Variants in STAB1 observed in about 807,000 individuals in gnomAD.
STAB1 encodes the protein stabilin 1.
In STAB1, 250 loss-of-function variants were observed where a neutral mutation model predicts 332.4. The observed-to-expected ratio is 0.75, with a 90% confidence interval of 0.68 to 0.84. The LOEUF is 0.84. Among genes scored for constraint, STAB1 ranks in the 40% least tolerant of loss-of-function variants. The pLI, the probability that STAB1 is intolerant of heterozygous loss-of-function variation, is 0.00. For missense variants in STAB1, 3,249 were observed against 3,489.7 expected, an observed-to-expected ratio of 0.93 and a Z score of 1.74; for synonymous variants, 1,475 against 1,390.4, an observed-to-expected ratio of 1.06 and a Z score of -1.35.
intron 29 of STAB1, 80 bp from the exon 30 acceptor site, chr3:52,513,046 CCCCT>C: frequency 6.4e-7 from 1 of 1,559,822 alleles, no homozygotes; most frequent in Non-Finnish European, 8.7e-7. Flanking sequence ...CAGGCACTCA[CCCCT>C]TGGGGTGGGC....
chr3:52,518,754 A>G lies in STAB1; in HGVS notation c.4919A>G (p.Gln1640Arg), dbSNP rs773026752. ...CTGGCCCGGATTCGTGCGCATCGCC[A>G]GCTGGTGTTTCGCTACCACGTGGTT... ...DELARIRAHR[Q>R]LVFRYHVVGC... The change falls in exon 48 of 69, where the codon CAG becomes CGG. Residue 1640 changes from glutamine to arginine, a missense_variant. Coordinates refer to ENST00000321725, the MANE Select transcript of STAB1 (RefSeq NM_015136.3). 1.1e-5 allele frequency: 17 copies of G among 1,612,422 alleles called. No individual in the cohort carries two copies. Among genetic ancestry groups the G allele is most frequent in the Non-Finnish European group, 1.3e-5 (15 of 1,179,822 alleles).
At chr3:52,499,159 G>A (rs1708253075) in intron 1 of STAB1, among the ~76,000 whole-genome samples, 2 of 152,210 alleles carry the variant, frequency 1.3e-5, no homozygotes, top group Admixed American at 1.3e-4. Flanking sequence ...CCACTTCTCT[G>A]GGCCATGCCC....
chr3:52,519,153 G>A (rs1238898423), intron 48 of STAB1, 111 bp from the exon 49 acceptor site: 2 of 1,428,100 alleles, frequency 1.4e-6, no homozygotes, highest in African/African-American at 2.8e-5. Flanking sequence ...CGAAGAACCG[G>A]GACTGCCTGC....
intron 37 of STAB1, 49 bp downstream of exon 37, chr3:52,515,555 G>A (rs898941069): frequency 6.3e-6 from 10 of 1,598,928 alleles, no homozygotes; most frequent in East Asian, 4.5e-5. Context: ...GAAGGAGGTG[G>A]GAGTGGGTGG....
At chr3:52,506,328 C>A in intron 17 of STAB1, 78 bp downstream of exon 17, 1 of 1,333,302 alleles carries the variant, frequency 7.5e-7, no homozygotes, top group Non-Finnish European at 1.1e-6. Flanking sequence ...GCCTTGTGTG[C>A]TCCGAGCCCC....
intron 30 of STAB1, 47 bp from the exon 31 acceptor site, chr3:52,513,670 G>C: frequency 6.3e-7 from 1 of 1,582,116 alleles, no homozygotes; most frequent in Non-Finnish European, 8.6e-7. Flanking sequence ...CACCTTTAAG[G>C]GTCTATCTGT....
At position 52,524,476 on chromosome 3, in the gene STAB1, G is replaced by A; in HGVS notation, c.*120G>A. On this transcript the variant is annotated 3_prime_UTR_variant, in exon 69 of 69. Transcript: ENST00000321725. ...CCAGACAATAAAGGTGCCCTCAGCG[G>A]ATGTGGGCCATGTCACCAAGGAAGG... 3 of 1,612,824 alleles carry A rather than the reference G, an allele frequency of 1.9e-6. No homozygotes were observed. Among genetic ancestry groups the A allele is most frequent in the South Asian group, 1.1e-5 (1 of 91,082 alleles).
chr3:52,520,078 G>A lies in STAB1; in HGVS notation c.5370G>A (p.Lys1790=), dbSNP rs775098685. 1.9e-6 allele frequency: 3 copies of A among 1,612,052 alleles called. No individual in the cohort carries two copies. The highest frequency in any genetic ancestry group is 2.5e-6 in the Non-Finnish European group (3 of 1,179,298). ...TGTACCATGAGGACCACCGTGACAA[G>A]CTAGCAGCCATTCTGCGGGGCCACA... The part of the protein sequence containing the change: ...AWLYHEDHRD[K]LAAILRGHMI... The change falls in exon 51 of 69, where the codon AAG becomes AAA. Residue 1790 remains lysine, a synonymous_variant. Transcript: ENST00000321725.
chr3:52,512,484 G>T lies in STAB1; in HGVS notation c.2979+48G>T, dbSNP rs755281207. 12 of 1,609,382 alleles carry T rather than the reference G, an allele frequency of 7.5e-6. No individual in the cohort carries two copies. In the Admixed American group the frequency reaches 1.8e-4, roughly 25 times the overall value. On this transcript the variant is annotated intron_variant, in intron 27 of 68. Coordinates refer to ENST00000321725, the MANE Select transcript of STAB1 (RefSeq NM_015136.3). ...TTCTGTCTTCCCCGTGCTTGGGAAGGAGCCCTCTCCAGCACCTCAGGTGGG... is the reference window on the plus strand; with the variant it reads ...TTCTGTCTTCCCCGTGCTTGGGAAGTAGCCCTCTCCAGCACCTCAGGTGGG...
chr3:52,519,180 C>G, intron 48 of STAB1, 84 bp from the exon 49 acceptor site: 1 of 1,537,430 alleles, frequency 6.5e-7, no homozygotes. Flanking sequence ...ACTTGCCCAA[C>G]CCAGGTTCAA....
Position 52,516,591 on chromosome 3 carries a change from A to G in STAB1, c.4286+4A>G. On this transcript the variant is annotated splice_donor_region_variant and intron_variant, in intron 40 of 68. Transcript: ENST00000321725. ...GGAAGTGCGACCCCAATGCCAAGTG[A>G]GTGGGCCCAGCCTGGGGCGGGTGGG... 2 of 1,612,750 alleles carry G rather than the reference A, an allele frequency of 1.2e-6. No homozygotes were observed. Among genetic ancestry groups the G allele is most frequent in the Non-Finnish European group, 1.7e-6 (2 of 1,179,948 alleles).
chr3:52,524,298 AG>A lies in STAB1; in HGVS notation c.7657del. The stretch of plus-strand genomic sequence containing the variant: ...CCTCCACCACCAACCCTGCTCTTCT[AG>A]GACTCACTGCTGGAGGAGGACTTCC... On this transcript the variant is annotated splice_acceptor_variant, in intron 68 of 68. Coordinates refer to ENST00000321725, the MANE Select transcript of STAB1 (RefSeq NM_015136.3). LOFTEE classifies it high-confidence loss of function. The A allele has an allele frequency of 6.2e-7, 1 of 1,613,934 alleles. No homozygotes were observed. Among genetic ancestry groups the A allele is most frequent in the Non-Finnish European group, 8.5e-7 (1 of 1,180,002 alleles).
chr3:52,516,603 C>T lies in STAB1; in HGVS notation c.4286+16C>T. ...CCAATGCCAAGTGAGTGGGCCCAGC[C>T]TGGGGCGGGTGGGTGAGTGGCGGGG... is the stretch of plus-strand genomic sequence containing the variant. On this transcript the variant is annotated intron_variant, in intron 40 of 68. Transcript: ENST00000321725. 22 of 1,612,776 alleles carry T rather than the reference C, an allele frequency of 1.4e-5. No individual in the cohort carries two copies. The highest frequency in any genetic ancestry group is 1.9e-5 in the Non-Finnish European group (22 of 1,179,982).
chr3:52,519,589 A>G, intron 50 of STAB1, 25 bp downstream of exon 50: 2 of 1,607,942 alleles, frequency 1.2e-6, no homozygotes, highest in South Asian at 2.2e-5. Context: ...TGGGCCTGTC[A>G]TTGTGGACAC....
intron 7 of STAB1, 58 bp from the exon 8 acceptor site, chr3:52,503,286 G>A: frequency 6.4e-7 from 1 of 1,552,130 alleles, no homozygotes; most frequent in South Asian, 1.2e-5. Context: ...TGAAAGCTGT[G>A]GCGGAGACAG....
At position 52,518,802 on chromosome 3, in the gene STAB1, A is replaced by C. The variant is rs748342520; in HGVS notation, c.4967A>C (p.Glu1656Ala). 1.9e-6 allele frequency: 3 copies of C among 1,611,714 alleles called. No homozygotes were observed. Residue 1656 changes from glutamate to alanine, a missense_variant, in exon 48 of 69, where the codon GAG becomes GCG. Transcript: ENST00000321725. Reference protein sequence around the residue: ...HVVGCRRLRSEDLLEQGYATA... With the variant: ...HVVGCRRLRSADLLEQGYATA... ...GTTGGCTGTCGGCGGCTGCGGAGCG[A>C]GGACCTGCTGGAGCAGGGGTACGCC...
Position 52,506,712 on chromosome 3 carries a change from C to T in STAB1, c.1851C>T (p.Pro617=), listed in dbSNP as rs1331834458. The stretch of plus-strand genomic sequence containing the variant: ...CGCAGGGGCGCATCCTGCTGGGACC[C>T]GAGGGGGTCCCGCTGCAGAGGGTAG... ...ISEEGRILLG[P]EGVPLQRVDV... The change falls in exon 18 of 69, where the codon CCC becomes CCT. Residue 617 remains proline, a synonymous_variant. Coordinates refer to ENST00000321725, the MANE Select transcript of STAB1 (RefSeq NM_015136.3). The T allele has an allele frequency of 6.8e-6, 11 of 1,611,750 alleles. No individual in the cohort carries two copies. The highest frequency in any genetic ancestry group is 2.2e-5 in the East Asian group (1 of 44,844).
chr3:52,516,090 C>T lies in STAB1; in HGVS notation c.3996C>T (p.Cys1332=), dbSNP rs1414168265. 15 of 1,611,730 alleles carry T rather than the reference C, an allele frequency of 9.3e-6. No homozygotes were observed. The highest frequency in any genetic ancestry group is 1.3e-5 in the African/African-American group (1 of 74,880). The stretch of plus-strand genomic sequence containing the variant: ...TCTTTGGCACGCTGTGTGAGCCATG[C>T]CCAGGGGGTCTAGGGGGGGTGTGCT... The part of the protein sequence containing the change: ...PGFFGTLCEP[C]PGGLGGVCSG... Residue 1332 remains cysteine, a synonymous_variant, in exon 38 of 69, where the codon TGC becomes TGT. Coordinates refer to ENST00000321725, the MANE Select transcript of STAB1 (RefSeq NM_015136.3).
intron 25 of STAB1, 141 bp downstream of exon 25, chr3:52,510,648 G>A: frequency 8.8e-7 from 1 of 1,138,584 alleles, no homozygotes; most frequent in East Asian, 2.6e-5. Flanking sequence ...GACATGCTGA[G>A]TAGTAGCATC....
Sources: allele counts gnomAD v4.1 joint callset (sites outside exome capture counted in the v4.1 genomes callset), GRCh38; gene constraint gnomAD v4.1.1; transcripts MANE v1.5; gene names NCBI Gene and HGNC (gene_info 2026-07-23, HGNC 2026-07-21).